FBXW7: variants seen among roughly 807,000 people sequenced by gnomAD.
The protein encoded by FBXW7 is F-box and WD repeat domain containing 7, also known as F-box/WD repeat-containing protein 7.
A neutral mutation model predicts 86.3 loss-of-function variants in FBXW7; 11 were observed. The ratio of observed to expected loss-of-function variants is 0.13; its 90% confidence interval spans 0.08 to 0.21. The LOEUF is 0.21. Among genes scored for constraint, FBXW7 ranks in the 10% least tolerant of loss-of-function variants. FBXW7 has a pLI of 1.00. For missense variants in FBXW7, 488 were observed against 847.4 expected (o/e 0.58, Z 5.27); for synonymous variants, 313 against 297.9 (o/e 1.05, Z -0.52).
At chr4:152,501,731 T>C (rs754736450) in intron 2 of FBXW7, among the ~76,000 whole-genome samples, 5 of 152,190 alleles carry the variant, frequency 3.3e-5, no homozygotes, top group African/African-American at 4.8e-5. Flanking sequence ...GAACATTCTT[T>C]TTTTTATTTG....
At chr4:152,435,623 T>C (rs1455007059) in intron 2 of FBXW7, among the ~76,000 whole-genome samples, 1 of 152,276 alleles carries the variant, frequency 6.6e-6, no homozygotes, top group Admixed American at 6.5e-5. Context: ...GATATAATAA[T>C]TCAATGATAC....
chr4:152,322,704 C>A lies in FBXW7; in HGVS notation c.*177G>T, dbSNP rs537262461. 1.5e-5 allele frequency: 16 copies of A among 1,058,188 alleles called. No homozygotes were observed. The highest frequency in any genetic ancestry group is 1.2e-4 in the Admixed American group (4 of 32,904). 65.5% of individuals were successfully genotyped at this position (1,058,188 alleles called of 1,614,324 possible). A position where few individuals can be genotyped will look rare whatever the true frequency, so the allele number is the denominator to read the frequency against. Reference sequence around the variant, plus strand: ...TCTCTTGTCAGTTATGGTTTGTCATCTCTTCTTCTTTTCCTTCTTAGTCTG... The same window carrying A: ...TCTCTTGTCAGTTATGGTTTGTCATATCTTCTTCTTTTCCTTCTTAGTCTG... On this transcript the variant is annotated 3_prime_UTR_variant, in exon 14 of 14. Transcript: ENST00000281708.
Position 152,379,040 on chromosome 4 carries a change from G to A in FBXW7, c.502-28916C>T, listed in dbSNP as rs182126473. On this transcript the variant is annotated intron_variant, in intron 4 of 13. Transcript: ENST00000281708. ...AAAACAAAAAACCATGCAATTATTA[G>A]TTGTAAGCTGCATCTTAATATAATT... Among the ~76,000 whole-genome samples, 11 of 152,034 alleles carry A rather than the reference G, an allele frequency of 7.2e-5. No homozygotes were observed. The East Asian group carries it at 2.1e-3, about 29-fold the overall frequency.
At chr4:152,501,917 G>T (rs1188663118) in intron 2 of FBXW7, among the ~76,000 whole-genome samples, 1 of 152,026 alleles carries the variant, frequency 6.6e-6, no homozygotes, top group East Asian at 1.9e-4. Flanking sequence ...TTTTATCCAT[G>T]AAAAATGTTT....
At chr4:152,353,057 T>G in intron 4 of FBXW7, 2 of 1,110,350 alleles carry the variant, frequency 1.8e-6, no homozygotes, top group Non-Finnish European at 2.2e-6. Flanking sequence ...GTTATTTTTG[T>G]ATTTTGTAAA....
At position 152,321,253 on chromosome 4, in the gene FBXW7, C is replaced by T. The variant is rs1728534621; in HGVS notation, c.*1628G>A. 4.3e-6 allele frequency: 1 copy of T among 230,562 alleles called. No homozygotes were observed. The highest frequency in any genetic ancestry group is 8.6e-6 in the Non-Finnish European group (1 of 116,270). The allele number at this position is 230,562 out of a possible 1,614,324, so 14.3% of individuals were successfully genotyped here. A position where few individuals can be genotyped will look rare whatever the true frequency, so the allele number is the denominator to read the frequency against. On this transcript the variant is annotated 3_prime_UTR_variant, in exon 14 of 14. Transcript: ENST00000281708. ...TTATTACTTCAGTGGAAGAAACAGG[C>T]ATACTAACATGAAAAAACACATTTT...
In FBXW7 at chr4:152,483,644, G is replaced by A. The variant is rs535411834; in HGVS notation, c.-120+51297C>T. On this transcript the variant is annotated intron_variant, in intron 2 of 13. Coordinates refer to ENST00000281708, the MANE Select transcript of FBXW7 (RefSeq NM_001349798.2). Reference sequence around the variant, plus strand: ...GCCTGGGAGGTCAAGGCTGCAATGAGCCATGATCATGCCACTGCACTCCAG... The same window carrying A: ...GCCTGGGAGGTCAAGGCTGCAATGAACCATGATCATGCCACTGCACTCCAG... Among the ~76,000 whole-genome samples the A allele has an allele frequency of 6.4e-4, 97 of 152,194 alleles. 2 individuals carry two copies. In the South Asian group the frequency reaches 0.018, roughly 29 times the overall value.
rs1462282994 is a variant in FBXW7 at position 152,326,090 on chromosome 4, A to G, written c.1560T>C (p.Asp520=). 1.2e-6 allele frequency: 2 copies of G among 1,613,302 alleles called. No homozygotes were observed. The highest frequency in any genetic ancestry group is 1.3e-5 in the African/African-American group (1 of 74,840). ...CTGGATCCCACACCTTTACCATAAA[A>G]TCATATGCTCCACTAACAACCCTCC... is the stretch of plus-strand genomic sequence containing the variant. The part of the protein sequence containing the change: ...DGRRVVSGAY[D]FMVKVWDPET... The change falls in exon 12 of 14, where the codon GAT becomes GAC. Residue 520 remains aspartate (D), a synonymous_variant. Coordinates refer to ENST00000281708, the MANE Select transcript of FBXW7 (RefSeq NM_001349798.2).
intron 2 of FBXW7, among the ~76,000 whole-genome samples, chr4:152,468,081 CAA>C: frequency 6.6e-6 from 1 of 151,790 alleles, no homozygotes; most frequent in Admixed American, 6.6e-5. Flanking sequence ...TTATCCAAAT[CAA>C]AATCACAATG....
chr4:152,495,798 T>C (rs972543764), intron 2 of FBXW7, among the ~76,000 whole-genome samples: 2 of 152,134 alleles, frequency 1.3e-5, no homozygotes, highest in African/African-American at 4.8e-5. Flanking sequence ...TATAAAGACA[T>C]AGGCTTAGAA....
intron 2 of FBXW7, among the ~76,000 whole-genome samples, chr4:152,449,618 A>G (rs1434176269): frequency 6.6e-6 from 1 of 152,190 alleles, no homozygotes; most frequent in East Asian, 1.9e-4. Flanking sequence ...CAAAAACCTC[A>G]TTGTTTTGAT....
chr4:152,435,068 G>A (rs1230267206), intron 2 of FBXW7, among the ~76,000 whole-genome samples: 2 of 123,806 alleles, frequency 1.6e-5, no homozygotes, highest in African/African-American at 3.0e-5. Context: ...AGAGGCCTGG[G>A]GAGGGGAGGG....
chr4:152,460,127 T>A (rs988791644), intron 2 of FBXW7, among the ~76,000 whole-genome samples: 20 of 152,340 alleles, frequency 1.3e-4, no homozygotes, highest in African/African-American at 4.8e-4. Context: ...ATGGCAAATT[T>A]TATTTTGTAC....
At chr4:152,406,703 T>C (rs1171159500) in intron 4 of FBXW7, among the ~76,000 whole-genome samples, 1 of 152,188 alleles carries the variant, frequency 6.6e-6, no homozygotes, top group African/African-American at 2.4e-5. Flanking sequence ...TTTTATCAAC[T>C]AGGGAGATCT....
At chr4:152,521,687 A>T (rs1402162383) in intron 2 of FBXW7, among the ~76,000 whole-genome samples, 4 of 152,134 alleles carry the variant, frequency 2.6e-5, no homozygotes, top group Non-Finnish European at 5.9e-5. Flanking sequence ...TTGGATCTGG[A>T]CTAGAAGGGA....
intron 5 of FBXW7, among the ~76,000 whole-genome samples, chr4:152,349,253 T>C (rs772920628): frequency 2.6e-5 from 4 of 151,940 alleles, no homozygotes; most frequent in African/African-American, 9.7e-5. Flanking sequence ...GTTTCTACTG[T>C]TAACTTTCAA....
At chr4:152,460,590 C>G (rs578111542) in intron 2 of FBXW7, among the ~76,000 whole-genome samples, 1 of 152,260 alleles carries the variant, frequency 6.6e-6, no homozygotes, top group South Asian at 2.1e-4. Flanking sequence ...ACACAGAATT[C>G]TTATTTGATA....
chr4:152,331,045 T>C (rs1729523169), intron 8 of FBXW7, among the ~76,000 whole-genome samples, 177 bp from the exon 9 acceptor site: 1 of 152,056 alleles, frequency 6.6e-6, no homozygotes, highest in Admixed American at 6.6e-5. Context: ...ATGTAAAGTT[T>C]ACATTCTATA....
chr4:152,434,051 A>C (rs1375047029), intron 2 of FBXW7, among the ~76,000 whole-genome samples: 1 of 152,184 alleles, frequency 6.6e-6, no homozygotes, highest in Non-Finnish European at 1.5e-5. Flanking sequence ...TCTCCACATT[A>C]ATGGGATATA....
Sources: gnomAD v4.1 joint callset for allele counts (sites outside exome capture counted in the v4.1 genomes callset) on GRCh38, gnomAD v4.1.1 for gene constraint, MANE v1.5 for transcripts, NCBI Gene and HGNC (gene_info 2026-07-23, HGNC 2026-07-21) for gene names.